PPFIA2: variants seen among roughly 807,000 people sequenced by gnomAD.
PPFIA2 encodes liprin-alpha-2.
In PPFIA2, 46 loss-of-function variants were observed where a neutral mutation model predicts 175.5. That is an observed-to-expected ratio of 0.26 (90% CI 0.21 to 0.34). The LOEUF (loss-of-function observed/expected upper bound fraction) is 0.34. Among genes scored for constraint, PPFIA2 ranks in the 10% least tolerant of loss-of-function variants. The pLI is 1.00. For missense variants in PPFIA2, 1,179 were observed against 1,506.1 expected (o/e 0.78, Z 3.60); for synonymous variants, 568 against 511.4 (o/e 1.11, Z -1.49).
chr12:81,495,220 T>C (rs539258322), intron 4 of PPFIA2, among the ~76,000 whole-genome samples: 149 of 152,250 alleles, frequency 9.8e-4, no homozygotes, highest in African/African-American at 3.3e-3. Flanking sequence ...AATTAACATC[T>C]AAAATTTGTT....
At chr12:81,506,687 C>G (rs1339393895) in intron 4 of PPFIA2, among the ~76,000 whole-genome samples, 1 of 152,120 alleles carries the variant, frequency 6.6e-6, no homozygotes, top group Non-Finnish European at 1.5e-5. Context: ...CCAGGATGGT[C>G]TAAAGTAGGC....
intron 22 of PPFIA2, chr12:81,312,130 A>G (rs554976087): frequency 1.7e-4 from 259 of 1,532,306 alleles, no homozygotes; most frequent in Admixed American, 2.8e-4. Flanking sequence ...GAAAATAAAC[A>G]TGTTCAGCAG....
chr12:81,590,370 G>T (rs954039123), intron 4 of PPFIA2, among the ~76,000 whole-genome samples: 2 of 152,102 alleles, frequency 1.3e-5, no homozygotes, highest in Non-Finnish European at 2.9e-5. Context: ...AGAAAATCTT[G>T]TTCTTTGATG....
At chr12:81,481,550 A>G (rs533266978) in intron 4 of PPFIA2, among the ~76,000 whole-genome samples, 23 of 152,236 alleles carry the variant, frequency 1.5e-4, no homozygotes, top group Admixed American at 1.5e-3. Flanking sequence ...AAATACATAG[A>G]CCAATGGAAC....
At chr12:81,637,460 T>C (rs940235279) in intron 4 of PPFIA2, among the ~76,000 whole-genome samples, 4 of 151,826 alleles carry the variant, frequency 2.6e-5, no homozygotes, top group Admixed American at 2.0e-4. Flanking sequence ...TTTCCCTTTA[T>C]CTACCTGTCA....
intron 23 of PPFIA2, among the ~76,000 whole-genome samples, chr12:81,298,728 T>C (rs1300885328): frequency 6.6e-6 from 1 of 152,222 alleles, no homozygotes; most frequent in Non-Finnish European, 1.5e-5. Context: ...CAGAACACTA[T>C]GTTGTACAGG....
chr12:81,291,047 A>G (rs561783646), intron 24 of PPFIA2, among the ~76,000 whole-genome samples: 2 of 152,002 alleles, frequency 1.3e-5, no homozygotes, highest in East Asian at 3.9e-4. Context: ...ACAAATTAAT[A>G]TATTATGTGA....
At chr12:81,732,259 C>T (rs948844962) in intron 3 of PPFIA2, among the ~76,000 whole-genome samples, 4 of 151,478 alleles carry the variant, frequency 2.6e-5, no homozygotes, top group African/African-American at 9.7e-5. Flanking sequence ...ATATTAATAG[C>T]ATTTAAATAA....
chr12:81,350,637 A>G (rs904062346), intron 17 of PPFIA2, among the ~76,000 whole-genome samples: 3 of 152,166 alleles, frequency 2.0e-5, no homozygotes, highest in Non-Finnish European at 4.4e-5. Flanking sequence ...GAGGTATTGT[A>G]GACCATATTA....
chr12:81,579,644 G>A (rs2074106111), intron 4 of PPFIA2, among the ~76,000 whole-genome samples: 1 of 151,746 alleles, frequency 6.6e-6, no homozygotes, highest in South Asian at 2.1e-4. Context: ...GCTTACGAAG[G>A]AAATAATTAA....
At chr12:81,735,738 C>T (rs193116682) in intron 3 of PPFIA2, among the ~76,000 whole-genome samples, 1 of 151,650 alleles carries the variant, frequency 6.6e-6, no homozygotes, top group Non-Finnish European at 1.5e-5. Flanking sequence ...GGTCTATGGG[C>T]CACTTTGAGT....
intron 4 of PPFIA2, among the ~76,000 whole-genome samples, chr12:81,660,039 C>T (rs2068527588): frequency 6.6e-6 from 1 of 152,104 alleles, no homozygotes; most frequent in South Asian, 2.1e-4. Flanking sequence ...CACCAAAACC[C>T]CATCTGTACA....
intron 4 of PPFIA2, among the ~76,000 whole-genome samples, chr12:81,562,834 G>A (rs1429820542): frequency 3.2e-5 from 3 of 93,142 alleles, no homozygotes; most frequent in East Asian, 3.1e-4. Flanking sequence ...GCGACAGAGC[G>A]AGACTCTGTC....
intron 8 of PPFIA2, among the ~76,000 whole-genome samples, chr12:81,387,931 A>G (rs1223654385): frequency 1.3e-5 from 2 of 152,140 alleles, no homozygotes; most frequent in African/African-American, 2.4e-5. Context: ...TCCTTCAACC[A>G]GCAACATTTC....
chr12:81,310,657 T>C (rs952618968), intron 22 of PPFIA2, among the ~76,000 whole-genome samples: 1 of 152,134 alleles, frequency 6.6e-6, no homozygotes, highest in African/African-American at 2.4e-5. Flanking sequence ...GTCTATAATA[T>C]TTGTTATTTT....
chr12:81,384,449 C>G (rs2038469841), intron 8 of PPFIA2, among the ~76,000 whole-genome samples: 1 of 152,032 alleles, frequency 6.6e-6, no homozygotes, highest in South Asian at 2.1e-4. Context: ...AATTTTCAAA[C>G]AGTTTAATAG....
chr12:81,572,787 G>A (rs2072797807), intron 4 of PPFIA2, among the ~76,000 whole-genome samples: 1 of 151,866 alleles, frequency 6.6e-6, no homozygotes. Flanking sequence ...AGAACTGGCT[G>A]ATTTCAGGTC....
intron 4 of PPFIA2, among the ~76,000 whole-genome samples, chr12:81,468,895 G>T (rs1055501739): frequency 2.6e-5 from 4 of 151,556 alleles, no homozygotes; most frequent in Non-Finnish European, 5.9e-5. Flanking sequence ...TTTATCACTG[G>T]GGGGTGGGGG....
At chr12:81,586,251 G>A (rs1313081346) in intron 4 of PPFIA2, among the ~76,000 whole-genome samples, 1 of 151,816 alleles carries the variant, frequency 6.6e-6, no homozygotes, top group Non-Finnish European at 1.5e-5. Flanking sequence ...CAATAATTAG[G>A]TTATGTCCAT....
Sources: allele counts gnomAD v4.1 joint callset (sites outside exome capture counted in the v4.1 genomes callset), GRCh38; gene constraint gnomAD v4.1.1; transcripts MANE v1.5; gene names NCBI Gene and HGNC (gene_info 2026-07-23, HGNC 2026-07-21).